The following DOCK6 variants were observed in gnomAD, a reference collection of about 807,000 sequenced individuals.
The protein encoded by DOCK6 is dedicator of cytokinesis protein 6.
DOCK6 carries 167 observed loss-of-function variants against 230.3 expected under a neutral mutation model. The observed-to-expected ratio is 0.73, with a 90% CI of 0.64 to 0.82. DOCK6 has a LOEUF of 0.82. Ranked by LOEUF, DOCK6 falls within the 40% of genes least tolerant of loss-of-function variation. The probability of loss-of-function intolerance (pLI) is 0.00; values close to 1 mark genes in which losing one functional copy is unlikely to be tolerated. For missense variants in DOCK6, 2,598 were observed against 2,825.8 expected (o/e 0.92, Z 1.83); for synonymous variants, 1,148 against 1,185.0 (o/e 0.97, Z 0.64).
chr19:11,233,837 CTT>C (rs34494692), intron 21 of DOCK6, among the ~76,000 whole-genome samples: 1 of 144,498 alleles, frequency 6.9e-6, no homozygotes. Context: ...AAGATCCTGA[CTT>C]TTTTTTTTTT....
Position 11,201,843 on chromosome 19 carries a change from G to T in DOCK6, c.5688+46C>A. 42 of 969,010 alleles carry T rather than the reference G, an allele frequency of 4.3e-5. No homozygotes were observed. Among genetic ancestry groups the T allele is most frequent in the Non-Finnish European group, 5.4e-5 (35 of 649,946 alleles). The allele number at this position is 969,010 out of a possible 1,614,324, so 60.0% of individuals were successfully genotyped here. A position where few individuals can be genotyped will look rare whatever the true frequency, so the allele number is the denominator to read the frequency against. On this transcript the variant is annotated intron_variant, in intron 44 of 47. Coordinates refer to ENST00000294618, the MANE Select transcript of DOCK6 (RefSeq NM_020812.4). The surrounding 1 kb of genome is among the most constrained non-coding windows in gnomAD (Gnocchi z 4.3). ...CTCCCCTCCCCTCCCAGGGTCTGAT[G>T]TCCCCTCACCTCCCCACCCCCGCCA...
intron 31 of DOCK6, 104 bp from the exon 32 acceptor site, chr19:11,215,575 T>C (rs1053028567): frequency 1.7e-5 from 22 of 1,324,882 alleles, no homozygotes; most frequent in Non-Finnish European, 2.2e-5. Context: ...GGCTGACCCA[T>C]GAGGGCACTG....
At position 11,244,843 on chromosome 19, in the gene DOCK6, C is replaced by T. The variant is rs543892839; in HGVS notation, c.1023+720G>A. On this transcript the variant is annotated intron_variant, in intron 9 of 47. Coordinates refer to ENST00000294618, the MANE Select transcript of DOCK6 (RefSeq NM_020812.4). ...TCCTGGGCTAAAGCGATCCTCCCGC[C>T]TCAGCCTCCCAAAGTGCTAGGATTA... Among the ~76,000 whole-genome samples, 4 of 152,322 alleles carry T rather than the reference C, an allele frequency of 2.6e-5. No homozygotes were observed. In the East Asian group the frequency reaches 5.8e-4, roughly 22 times the overall value.
intron 24 of DOCK6, among the ~76,000 whole-genome samples, chr19:11,224,442 C>A (rs1404407309): frequency 6.6e-6 from 1 of 152,018 alleles, no homozygotes; most frequent in Non-Finnish European, 1.5e-5. Flanking sequence ...AACTCCTGAC[C>A]TCAGGTGATC....
chr19:11,256,945 C>T (rs141942691), intron 1 of DOCK6, among the ~76,000 whole-genome samples: 1,880 of 152,076 alleles, frequency 0.012, 41 homozygotes, highest in African/African-American at 0.043. Context: ...TCCCAAAGTC[C>T]TGGGATTACA....
At position 11,233,963 on chromosome 19, in the gene DOCK6, T is replaced by A. The variant is rs146197109; in HGVS notation, c.2555-597A>T. 7.4e-3 allele frequency among the ~76,000 whole-genome samples: 1,120 copies of A among 151,612 alleles called. 21 individuals are homozygous for A. The highest frequency in any genetic ancestry group is 0.025 in the African/African-American group (1,051 of 41,322). ...AATTCTCTTGCCTCAGCCTCCTGAGTAGCTAGGATTACAAGCACGCACCAC... is the reference window on the plus strand; with the variant it reads ...AATTCTCTTGCCTCAGCCTCCTGAGAAGCTAGGATTACAAGCACGCACCAC... On this transcript the variant is annotated intron_variant, in intron 21 of 47. Transcript: ENST00000294618.
chr19:11,251,125 T>C (rs1274938933), intron 5 of DOCK6, 39 bp from the exon 6 acceptor site: 3 of 1,561,840 alleles, frequency 1.9e-6, no homozygotes, highest in East Asian at 2.3e-5. Flanking sequence ...GTGCCAGCTG[T>C]ATACACCTTC....
rs2079181145 is a variant in DOCK6 at position 11,202,180 on chromosome 19, C to G, written c.5452-55G>C. On this transcript the variant is annotated intron_variant, in intron 43 of 47. Transcript: ENST00000294618. This position sits in a 1 kb window ranked among gnomAD's most constrained non-coding sequence, Gnocchi z 5.3. Reference sequence around the variant, plus strand: ...ACAGCCCCAGCACGCACAGCCCAAGCCCTGTTCCTGGAGAGAGGGGATCTG... The same window carrying G: ...ACAGCCCCAGCACGCACAGCCCAAGGCCTGTTCCTGGAGAGAGGGGATCTG... The G allele has an allele frequency of 1.9e-6, 3 of 1,569,566 alleles. No homozygotes were observed. The highest frequency in any genetic ancestry group is 2.2e-5 in the South Asian group (2 of 89,144).
intron 37 of DOCK6, 103 bp from the exon 38 acceptor site, chr19:11,209,206 C>G (rs2079319794): frequency 1.5e-6 from 2 of 1,373,062 alleles, no homozygotes; most frequent in African/African-American, 2.9e-5. Context: ...CATGTCCGCC[C>G]CAAGGACCAG....
intron 1 of DOCK6, among the ~76,000 whole-genome samples, chr19:11,261,742 C>T (rs959590907): frequency 1.3e-5 from 2 of 152,136 alleles, no homozygotes; most frequent in African/African-American, 4.8e-5. Flanking sequence ...CCCCAGCCCC[C>T]ACTCCCTCCA....
intron 28 of DOCK6, 154 bp downstream of exon 28, chr19:11,221,697 G>A (rs1275615533): frequency 1.8e-6 from 2 of 1,104,300 alleles, no homozygotes. Flanking sequence ...GAGATGTTAT[G>A]ACTTAAGTAG....
chr19:11,250,298 A>T (rs1599283747), intron 6 of DOCK6, among the ~76,000 whole-genome samples: 1 of 148,092 alleles, frequency 6.8e-6, no homozygotes, highest in South Asian at 2.1e-4. Context: ...GGTGTGAGCC[A>T]CCACGCCCAG....
intron 6 of DOCK6, among the ~76,000 whole-genome samples, chr19:11,249,898 CAA>C (rs1198954379): frequency 5.9e-5 from 3 of 50,590 alleles, no homozygotes; most frequent in Admixed American, 3.1e-4. Flanking sequence ...GACTCCATCT[CAA>C]AAAAAAAAAA....
At chr19:11,241,727 G>A (rs1331284613) in intron 14 of DOCK6, 2 of 1,569,274 alleles carry the variant, frequency 1.3e-6, no homozygotes, top group Non-Finnish European at 1.7e-6. Context: ...ATGCTGCAAG[G>A]AACACTTCCA....
At chr19:11,251,355 A>C in intron 5 of DOCK6, 1 of 427,050 alleles carries the variant, frequency 2.3e-6, no homozygotes, top group Non-Finnish European at 4.3e-6. Context: ...GTCAATCAAA[A>C]CACATCTACC....
chr19:11,220,822 ATTTTT>A (rs372764985), intron 28 of DOCK6, among the ~76,000 whole-genome samples: 1 of 139,794 alleles, frequency 7.2e-6, no homozygotes, highest in Non-Finnish European at 1.6e-5. Flanking sequence ...TAATATCTGA[ATTTTT>A]TTTTTTTTTT....
intron 9 of DOCK6, among the ~76,000 whole-genome samples, chr19:11,244,605 C>T (rs777259586): frequency 7.9e-5 from 12 of 151,810 alleles, no homozygotes; most frequent in African/African-American, 2.2e-4. Context: ...GGACTACAAG[C>T]GCCTGCTACT....
intron 22 of DOCK6, among the ~76,000 whole-genome samples, chr19:11,230,561 G>A (rs551651937): frequency 1.3e-5 from 2 of 152,020 alleles, no homozygotes; most frequent in East Asian, 1.9e-4. Flanking sequence ...GAAGGTGAGG[G>A]TGAGTGTAGA....
rs752193119 is a variant in DOCK6 at position 11,242,087 on chromosome 19, T to A, written c.1601A>T (p.Glu534Val). ...PRGRPTKEIL[E>V]FPAREVYAPH... is the part of the protein sequence containing the mutation. ...GGCATAGACTTCGCGGGCGGGGAAC[T>A]CCAGAATCTCCTTGGTGGGCCGGCC... is the stretch of plus-strand genomic sequence containing the variant. Residue 534 changes from glutamate to valine, a missense_variant, in exon 14 of 48, where the codon GAG (glutamate) becomes GTG (valine). By Grantham distance (121) the Glu-to-Val change is moderately radical (BLOSUM62 -2). Coordinates refer to ENST00000294618, the MANE Select transcript of DOCK6 (RefSeq NM_020812.4). 12 of 1,539,082 alleles carry A rather than the reference T, an allele frequency of 7.8e-6. No homozygotes were observed. In the South Asian group the frequency reaches 1.4e-4, roughly 18 times the overall value.
Sources: gnomAD v4.1 joint callset for allele counts (sites outside exome capture counted in the v4.1 genomes callset) on GRCh38, gnomAD v4.1.1 for gene constraint, Gnocchi (gnomAD v3.1) non-coding constraint, MANE v1.5 for transcripts, NCBI Gene and HGNC (gene_info 2026-07-23, HGNC 2026-07-21) for gene names.